LYVE1: variants seen among roughly 807,000 people sequenced by gnomAD.
The protein encoded by LYVE1 is lymphatic vessel endothelial hyaluronan receptor 1.
LYVE1 carries 29 observed loss-of-function variants against 31.5 expected under a neutral mutation model. The observed-to-expected ratio is 0.92, with a 90% CI of 0.69 to 1.26. The LOEUF is 1.26. LYVE1 is among the 50% of genes most tolerant of loss of function. The pLI is 0.00. For synonymous variants in LYVE1, 134 were observed against 139.4 expected, an observed-to-expected ratio of 0.96 and a Z score of 0.27; for missense variants, 376 against 380.2, an observed-to-expected ratio of 0.99 and a Z score of 0.09.
In LYVE1 at chr11:10,564,135, A is replaced by G. The variant is rs373261539; in HGVS notation, c.258-56T>C. The G allele has an allele frequency of 3.3e-5, 54 of 1,613,910 alleles. No individual in the cohort carries two copies. The East Asian group carries it at 6.0e-4, about 18-fold the overall frequency. On this transcript the variant is annotated intron_variant, in intron 2 of 5. Transcript: ENST00000256178. ...AAAATGATTAGAAGGCTTCATCTCT[A>G]TTGCTGAACAAGAACACAGAGCTAA...
chr11:10,563,965 A>T lies in LYVE1; in HGVS notation c.372T>A (p.Phe124Leu). 1 of 1,614,208 alleles carries T rather than the reference A, an allele frequency of 6.2e-7. No individual in the cohort carries two copies. Among genetic ancestry groups the T allele is most frequent in the Non-Finnish European group, 8.5e-7 (1 of 1,180,036 alleles). ...CAGATGAGTTGTAACAATAGGCTGCAAACTGTCGGCTCACTGGAACCTTCC... is the reference window on the plus strand; with the variant it reads ...CAGATGAGTTGTAACAATAGGCTGCTAACTGTCGGCTCACTGGAACCTTCC... The part of the protein sequence containing the change: ...LIWKVPVSRQ[F>L]AAYCYNSSDT... Residue 124 changes from phenylalanine to leucine, a missense_variant, in exon 3 of 6, where the codon TTT (phenylalanine) becomes TTA (leucine). By Grantham distance (22) the Phe-to-Leu change is conservative. Coordinates refer to ENST00000256178, the MANE Select transcript of LYVE1 (RefSeq NM_006691.4).
At chr11:10,560,407 C>T in intron 4 of LYVE1, 88 bp downstream of exon 4, 5 of 1,183,694 alleles carry the variant, frequency 4.2e-6, no homozygotes, top group Non-Finnish European at 5.8e-6. Flanking sequence ...GTCCTGAGCG[C>T]CTCATCTAAA....
rs1850362129 is a variant in LYVE1, at chr11:10,558,955, T to C, written c.*156A>G. On this transcript the variant is annotated 3_prime_UTR_variant, in exon 6 of 6. Coordinates refer to ENST00000256178, the MANE Select transcript of LYVE1 (RefSeq NM_006691.4). ...GAGAAGGGCATTCTCTTTGGTGCACTCCATAGTCCAATGGCAGTCCTGAGC... is the reference window on the plus strand; with the variant it reads ...GAGAAGGGCATTCTCTTTGGTGCACCCCATAGTCCAATGGCAGTCCTGAGC... 3.0e-6 allele frequency: 2 copies of C among 658,800 alleles called. No homozygotes were observed. Among genetic ancestry groups the C allele is most frequent in the Non-Finnish European group, 2.7e-6 (1 of 376,052 alleles). 40.8% of individuals were successfully genotyped at this position (658,800 alleles called of 1,614,324 possible).
rs1328680973 is a variant in LYVE1 at position 10,559,105 on chromosome 11, T to C, written c.*6A>G. 3 of 1,612,722 alleles carry C rather than the reference T, an allele frequency of 1.9e-6. No homozygotes were observed. The highest frequency in any genetic ancestry group is 1.7e-5 in the Admixed American group (1 of 59,782). ...CCTCAGGTGTGTCTCCTCATTTCTG[T>C]CTCATCTAAACTTCAGCTTCCAGGC... On this transcript the variant is annotated 3_prime_UTR_variant, in exon 6 of 6. Transcript: ENST00000256178.
chr11:10,563,666 C>T (rs1046224345), intron 3 of LYVE1, among the ~76,000 whole-genome samples: 6 of 152,152 alleles, frequency 3.9e-5, no homozygotes, highest in African/African-American at 1.4e-4. Context: ...TCCCTTCTGC[C>T]TGCTTATCTT....
rs936437543 is a variant in LYVE1, at chr11:10,557,691, T to A, written c.*1420A>T. ...GTGTATGTACTTGGCCAACTCAAAA[T>A]AAAATGTTTGGAGCATGAATAGCCC... On this transcript the variant is annotated 3_prime_UTR_variant, in exon 6 of 6. Coordinates refer to ENST00000256178, the MANE Select transcript of LYVE1 (RefSeq NM_006691.4). 3.9e-5 allele frequency: 6 copies of A among 152,190 alleles called. No individual in the cohort carries two copies. The highest frequency in any genetic ancestry group is 1.4e-4 in the African/African-American group (6 of 41,446). The allele number at this position is 152,190 out of a possible 1,614,324, so 9.4% of individuals were successfully genotyped here.
chr11:10,563,357 GA>G, intron 3 of LYVE1, among the ~76,000 whole-genome samples: 1 of 151,716 alleles, frequency 6.6e-6, no homozygotes, highest in Admixed American at 6.6e-5. Context: ...AAATATTTGG[GA>G]AAAAAAGAAA....
rs372649124 is a variant in LYVE1 at position 10,560,649 on chromosome 11, A to G, written c.549T>C (p.Thr183=). 8.7e-6 allele frequency: 14 copies of G among 1,614,040 alleles called. No individual in the cohort carries two copies. In the African/African-American group the frequency reaches 1.9e-4, roughly 22 times the overall value. The change falls in exon 4 of 6, where the codon ACT becomes ACC. Residue 183 remains threonine (T), a synonymous_variant. Coordinates refer to ENST00000256178, the MANE Select transcript of LYVE1 (RefSeq NM_006691.4). ...AAGTGGAAGCTGGAGCAGGAGGAGT[A>G]GTAGTAGGGGCAGGTATTGTAGAGT... ...SPYSTIPAPT[T]TPPAPASTSI... is the part of the protein sequence containing the mutation.
At chr11:10,565,462 T>A (rs1261616268) in intron 1 of LYVE1, among the ~76,000 whole-genome samples, 1 of 152,222 alleles carries the variant, frequency 6.6e-6, no homozygotes, top group Non-Finnish European at 1.5e-5. Context: ...CATTTAAATC[T>A]CTCAAGTAAT....
At position 10,564,022 on chromosome 11, in the gene LYVE1, C is replaced by T. The variant is rs1183611061; in HGVS notation, c.315G>A (p.Lys105=). The change falls in exon 3 of 6, where the codon AAG becomes AAA. Residue 105 remains lysine (K), a synonymous_variant. Coordinates refer to ENST00000256178, the MANE Select transcript of LYVE1 (RefSeq NM_006691.4). ...GGACACCCACCCCATTTTTCCCACA[C>T]TTGGGGTTTGGGCTAATCCTAGAGA... ...VVISRISPNP[K]CGKNGVGVLI... The T allele has an allele frequency of 1.9e-6, 3 of 1,614,188 alleles. No homozygotes were observed. The highest frequency in any genetic ancestry group is 2.2e-5 in the South Asian group (2 of 91,080).
rs920611007 is a variant in LYVE1, at chr11:10,564,169, TCCAGCAGTGACAGTGAAA to T, written c.257+16_257+33del. 4 of 1,613,824 alleles carry T rather than the reference TCCAGCAGTGACAGTGAAA, an allele frequency of 2.5e-6. No homozygotes were observed. The highest frequency in any genetic ancestry group is 3.4e-6 in the Non-Finnish European group (4 of 1,179,868). On this transcript the variant is annotated intron_variant, in intron 2 of 5. Transcript: ENST00000256178. ...CAAGAACACAGAGCTAAAAAAGAAC[TCCAGCAGTGACAGTGAAA>T]CCAGCTTTTTCTCACCTGCAAGTTT...
At chr11:10,559,950 G>A (rs761919680) in intron 4 of LYVE1, 56 bp from the exon 5 acceptor site, 66 of 1,240,292 alleles carry the variant, frequency 5.3e-5, no homozygotes, top group Non-Finnish European at 6.8e-5. Flanking sequence ...TGTGTGTAAT[G>A]CTCATTGCAT....
chr11:10,560,363 G>T, intron 4 of LYVE1, 132 bp downstream of exon 4: 1 of 734,042 alleles, frequency 1.4e-6, no homozygotes. Context: ...CATGAAAGTT[G>T]AGTTTGTGTT....
intron 3 of LYVE1, among the ~76,000 whole-genome samples, chr11:10,563,590 T>G (rs2134008457): frequency 6.6e-6 from 1 of 152,300 alleles, no homozygotes; most frequent in African/African-American, 2.4e-5. Flanking sequence ...CCACTGACAC[T>G]GAGGGACGAC....
chr11:10,565,197 C>A (rs1489580051), intron 1 of LYVE1, among the ~76,000 whole-genome samples: 1 of 152,164 alleles, frequency 6.6e-6, no homozygotes, highest in Admixed American at 6.5e-5. Flanking sequence ...CTTAATAAAT[C>A]CACATAACAT....
intron 3 of LYVE1, among the ~76,000 whole-genome samples, chr11:10,561,154 A>T (rs765689374): frequency 2.6e-4 from 39 of 152,156 alleles, no homozygotes; most frequent in Non-Finnish European, 2.5e-4. Flanking sequence ...GCCTCTCTTT[A>T]TTTAGCTTAC....
intron 1 of LYVE1, among the ~76,000 whole-genome samples, chr11:10,566,074 T>G (rs964841632): frequency 6.6e-6 from 1 of 151,872 alleles, no homozygotes; most frequent in East Asian, 1.9e-4. Context: ...CTTCCCAAAG[T>G]GCTGGGATTA....
chr11:10,563,296 C>A (rs1252431704), intron 3 of LYVE1, among the ~76,000 whole-genome samples: 1 of 152,062 alleles, frequency 6.6e-6, no homozygotes, highest in Non-Finnish European at 1.5e-5. Context: ...AAGCATATCT[C>A]ATAGGGATCT....
chr11:10,565,626 C>A (rs950615515), intron 1 of LYVE1, among the ~76,000 whole-genome samples: 7 of 152,100 alleles, frequency 4.6e-5, no homozygotes, highest in African/African-American at 1.7e-4. Context: ...TAGGAGCACA[C>A]ACTCAATTAT....
Sources: allele counts gnomAD v4.1 joint callset (sites outside exome capture counted in the v4.1 genomes callset), GRCh38; gene constraint gnomAD v4.1.1; transcripts MANE v1.5; gene names NCBI Gene and HGNC (gene_info 2026-07-23, HGNC 2026-07-21).